Variants in CASZ1 observed in about 807,000 individuals in gnomAD.
CASZ1 encodes the protein castor zinc finger 1.
CASZ1 carries 28 observed loss-of-function variants against 135.2 expected under a neutral mutation model. The ratio of observed to expected loss-of-function variants is 0.21; its 90% CI spans 0.15 to 0.28. The LOEUF is 0.28. Among genes scored for constraint, CASZ1 ranks in the 10% least tolerant of loss-of-function variants. CASZ1 has a pLI of 1.00. For synonymous variants in CASZ1, 1,068 were observed against 1,073.4 expected, an observed-to-expected ratio of 0.99 and a Z score of 0.10; for missense variants, 2,161 against 2,453.3, an observed-to-expected ratio of 0.88 and a Z score of 2.52.
At chr1:10,734,408 A>G (rs1031090851) in intron 2 of CASZ1, among the ~76,000 whole-genome samples, 1 of 152,168 alleles carries the variant, frequency 6.6e-6, no homozygotes, top group East Asian at 1.9e-4. Flanking sequence ...AAAAACTCAT[A>G]ATAAACATCT....
Position 10,727,542 on chromosome 1 carries a change from G to T in CASZ1, c.-76-21998C>A, listed in dbSNP as rs532036744. Among the ~76,000 whole-genome samples the T allele has an allele frequency of 6.6e-6, 1 of 152,156 alleles. No homozygotes were observed. Among genetic ancestry groups the T allele is most frequent in the Non-Finnish European group, 1.5e-5 (1 of 68,032 alleles). ...AAGCTTTTACGGTTCTGTCCTGAAG[G>T]ACTCTCTTCCTTGGTCCCCATAGCC... On this transcript the variant is annotated intron_variant, in intron 2 of 20. Transcript: ENST00000377022. The surrounding 1 kb of genome is among the most constrained non-coding windows in gnomAD (Gnocchi z 5.3).
intron 20 of CASZ1, among the ~76,000 whole-genome samples, chr1:10,640,872 T>G (rs1642182391): frequency 1.3e-5 from 2 of 152,294 alleles, no homozygotes; most frequent in South Asian, 4.1e-4. Flanking sequence ...GCCAGGGTTG[T>G]AACCCTTTCT....
rs1050264253 is a variant in CASZ1, at chr1:10,647,479, G to T, written c.3497+322C>A. On this transcript the variant is annotated intron_variant, in intron 16 of 20. Coordinates refer to ENST00000377022, the MANE Select transcript of CASZ1 (RefSeq NM_001079843.3). This position sits in a 1 kb window ranked among gnomAD's most constrained non-coding sequence, Gnocchi z 4.9. ...CTCGGAGGGAGACGCAGCCCTCCTT[G>T]TCAGGCTGGGAGTTGTCCTCTGAGG... is the stretch of plus-strand genomic sequence containing the variant. 7.2e-6 allele frequency: 9 copies of T among 1,250,130 alleles called. No individual in the cohort carries two copies. Among genetic ancestry groups the T allele is most frequent in the African/African-American group, 3.1e-5 (2 of 64,912 alleles). 77.4% of individuals were successfully genotyped at this position (1,250,130 alleles called of 1,614,324 possible). A position where few individuals can be genotyped will look rare whatever the true frequency, so the allele number is the denominator to read the frequency against.
At chr1:10,640,757 A>G (rs1243133278) in intron 20 of CASZ1, among the ~76,000 whole-genome samples, 1 of 152,120 alleles carries the variant, frequency 6.6e-6, no homozygotes, top group African/African-American at 2.4e-5. Context: ...GTCGTAATTT[A>G]CCTGGGTCAG....
At chr1:10,704,539 G>A (rs1639129789) in intron 3 of CASZ1, 1 of 152,156 alleles carries the variant, frequency 6.6e-6, no homozygotes. Flanking sequence ...GGGAGCCGGG[G>A]AATCTCCTCC....
At position 10,694,345 on chromosome 1, in the gene CASZ1, TA is replaced by T; in HGVS notation, c.-23-434del. 1 of 1,145,702 alleles carries T rather than the reference TA, an allele frequency of 8.7e-7. No homozygotes were observed. Among genetic ancestry groups the T allele is most frequent in the Non-Finnish European group, 1.1e-6 (1 of 906,888 alleles). 71.0% of individuals were successfully genotyped at this position (1,145,702 alleles called of 1,614,324 possible). ...AATTCACTTAAATAATCAACTTTCA[TA>T]ATACTTAATTAATGCCTAATTGCAA... On this transcript the variant is annotated intron_variant, in intron 3 of 20. Coordinates refer to ENST00000377022, the MANE Select transcript of CASZ1 (RefSeq NM_001079843.3). The surrounding 1 kb of genome is among the most constrained non-coding windows in gnomAD (Gnocchi z 6.6).
rs967482324 is a variant in CASZ1, at chr1:10,701,565, G to T, written c.-24+3927C>A. Among the ~76,000 whole-genome samples the T allele has an allele frequency of 1.3e-5, 2 of 152,182 alleles. No individual in the cohort carries two copies. Among genetic ancestry groups the T allele is most frequent in the African/African-American group, 4.8e-5 (2 of 41,450 alleles). ...CGCGGTCAGAAGAAGGAGATAACGGGCAAAGGGCTGGAGGGAGAACAGTGC... is the reference window on the plus strand; with the variant it reads ...CGCGGTCAGAAGAAGGAGATAACGGTCAAAGGGCTGGAGGGAGAACAGTGC... On this transcript the variant is annotated intron_variant, in intron 3 of 20. Transcript: ENST00000377022. The surrounding 1 kb of genome is among the most constrained non-coding windows in gnomAD (Gnocchi z 6.3).
intron 4 of CASZ1, among the ~76,000 whole-genome samples, chr1:10,670,054 G>A (rs1029959062): frequency 1.3e-5 from 2 of 152,226 alleles, no homozygotes; most frequent in Admixed American, 6.5e-5. Flanking sequence ...ATCAGGAGGT[G>A]GGGAGGCAGG....
rs1441191263 is a variant in CASZ1 at position 10,774,702 on chromosome 1, C to G, written c.-233-13845G>C. ...ACCACCTGAGTCAACGCGGACCCCTCTCTTCCCCAAGTGTGACCCTGTAGG... is the reference window on the plus strand; with the variant it reads ...ACCACCTGAGTCAACGCGGACCCCTGTCTTCCCCAAGTGTGACCCTGTAGG... On this transcript the variant is annotated intron_variant, in intron 1 of 20. Coordinates refer to ENST00000377022, the MANE Select transcript of CASZ1 (RefSeq NM_001079843.3). The surrounding 1 kb of genome is among the most constrained non-coding windows in gnomAD (Gnocchi z 4.4). 6.6e-6 allele frequency among the ~76,000 whole-genome samples: 1 copy of G among 152,144 alleles called. No homozygotes were observed. The highest frequency in any genetic ancestry group is 6.5e-5 in the Admixed American group (1 of 15,280).
intron 4 of CASZ1, among the ~76,000 whole-genome samples, chr1:10,691,213 C>T (rs1048244753): frequency 9.9e-5 from 15 of 152,058 alleles, no homozygotes; most frequent in African/African-American, 3.6e-4. Context: ...AAACTGGCTG[C>T]TAGTTTAATT....
intron 11 of CASZ1, chr1:10,653,133 GC>G: frequency 5.1e-6 from 3 of 590,066 alleles, no homozygotes; most frequent in Non-Finnish European, 9.2e-6. Flanking sequence ...AGGGACCATC[GC>G]CCCCAGCTCA....
chr1:10,663,948 G>C (rs1643139093), intron 5 of CASZ1, among the ~76,000 whole-genome samples: 1 of 152,170 alleles, frequency 6.6e-6, no homozygotes, highest in Non-Finnish European at 1.5e-5. Flanking sequence ...TGGAGGGGAC[G>C]GTGGCCCTTG....
Position 10,711,625 on chromosome 1 carries a change from A to T in CASZ1, c.-76-6081T>A, listed in dbSNP as rs1639288039. Among the ~76,000 whole-genome samples, 1 of 152,138 alleles carries T rather than the reference A, an allele frequency of 6.6e-6. No homozygotes were observed. The highest frequency in any genetic ancestry group is 2.4e-5 in the African/African-American group (1 of 41,418). Reference sequence around the variant, plus strand: ...AAGAAAAACAAACAAAACCTTGTGCATGAATGTTCATAGCAGCACTATTCA... The same window carrying T: ...AAGAAAAACAAACAAAACCTTGTGCTTGAATGTTCATAGCAGCACTATTCA... On this transcript the variant is annotated intron_variant, in intron 2 of 20. Coordinates refer to ENST00000377022, the MANE Select transcript of CASZ1 (RefSeq NM_001079843.3). The surrounding 1 kb of genome is among the most constrained non-coding windows in gnomAD (Gnocchi z 4.4).
intron 4 of CASZ1, among the ~76,000 whole-genome samples, chr1:10,668,326 C>T (rs1005478593): frequency 1.5e-4 from 23 of 152,320 alleles, no homozygotes; most frequent in South Asian, 1.2e-3. Flanking sequence ...AATATAAACG[C>T]CGTGGCCAGG....
intron 20 of CASZ1, among the ~76,000 whole-genome samples, chr1:10,641,483 T>G: frequency 2.0e-5 from 3 of 148,836 alleles, no homozygotes; most frequent in African/African-American, 2.5e-5. Flanking sequence ...GATATGGGGG[T>G]GGGATGGGAG....
chr1:10,650,334 C>A (rs1642520698), intron 13 of CASZ1: 2 of 153,188 alleles, frequency 1.3e-5, no homozygotes, highest in Non-Finnish European at 2.9e-5. Flanking sequence ...CCACTTTAGT[C>A]CCCCCTCCCC....
At chr1:10,736,451 G>A (rs748175062) in intron 2 of CASZ1, among the ~76,000 whole-genome samples, 1 of 152,210 alleles carries the variant, frequency 6.6e-6, no homozygotes, top group Non-Finnish European at 1.5e-5. Flanking sequence ...CCGTGAGTCT[G>A]GATGGAGCCG....
rs374848580 is a variant in CASZ1 at position 10,761,636 on chromosome 1, C to T, written c.-233-779G>A. 2.0e-5 allele frequency among the ~76,000 whole-genome samples: 3 copies of T among 152,260 alleles called. No homozygotes were observed. The East Asian group carries it at 5.8e-4, about 29-fold the overall frequency. On this transcript the variant is annotated intron_variant, in intron 1 of 20. Coordinates refer to ENST00000377022, the MANE Select transcript of CASZ1 (RefSeq NM_001079843.3). Reference sequence around the variant, plus strand: ...ATATTGTGGTGTTTCCATGGTGATTCCTGTTTTGAATATCCACTACACTCA... The same window carrying T: ...ATATTGTGGTGTTTCCATGGTGATTTCTGTTTTGAATATCCACTACACTCA...
At position 10,706,474 on chromosome 1, in the gene CASZ1, A is replaced by G. The variant is rs535534719; in HGVS notation, c.-76-930T>C. Among the ~76,000 whole-genome samples the G allele has an allele frequency of 1.3e-5, 2 of 152,252 alleles. No individual in the cohort carries two copies. The highest frequency in any genetic ancestry group is 2.4e-5 in the African/African-American group (1 of 41,558). ...CCCCTCCCTCATTTGTGGCTTATCA[A>G]TGATGCAAGAGGAATAACACCAATT... On this transcript the variant is annotated intron_variant, in intron 2 of 20. Transcript: ENST00000377022. This position sits in a 1 kb window ranked among gnomAD's most constrained non-coding sequence, Gnocchi z 4.3.
Sources: allele counts gnomAD v4.1 joint callset (sites outside exome capture counted in the v4.1 genomes callset), GRCh38; gene constraint gnomAD v4.1.1; non-coding constraint Gnocchi (gnomAD v3.1); transcripts MANE v1.5; gene names NCBI Gene and HGNC (gene_info 2026-07-23, HGNC 2026-07-21).